The following ARHGEF4 variants were observed in gnomAD, a reference collection of about 807,000 sequenced individuals.
ARHGEF4 encodes Rho guanine nucleotide exchange factor 4.
A neutral mutation model predicts 162.0 loss-of-function variants in ARHGEF4; 119 were observed. That is an observed-to-expected ratio of 0.73 (90% CI 0.63 to 0.86). The LOEUF is 0.86. Ranked by LOEUF, ARHGEF4 falls within the 40% of genes least tolerant of loss-of-function variation. ARHGEF4 has a pLI of 0.00. For missense variants in ARHGEF4, 2,488 were observed against 2,456.0 expected, an observed-to-expected ratio of 1.01 and a Z score of -0.28; for synonymous variants, 1,014 against 979.9, an observed-to-expected ratio of 1.03 and a Z score of -0.65.
At chr2:131,006,964 C>A (rs1010417162) in intron 4 of ARHGEF4, among the ~76,000 whole-genome samples, 2 of 152,182 alleles carry the variant, frequency 1.3e-5, no homozygotes, top group African/African-American at 4.8e-5. Flanking sequence ...ATTGGTCACC[C>A]TGTGGCTTAA....
chr2:130,849,592 G>A (rs1255334284), intron 1 of ARHGEF4, among the ~76,000 whole-genome samples: 1 of 149,808 alleles, frequency 6.7e-6, no homozygotes, highest in Non-Finnish European at 1.5e-5. Flanking sequence ...TTTCTGAGAC[G>A]GAGTCTTGCT....
At chr2:130,890,630 T>G (rs1679809496) in intron 1 of ARHGEF4, among the ~76,000 whole-genome samples, 1 of 152,164 alleles carries the variant, frequency 6.6e-6, no homozygotes, top group African/African-American at 2.4e-5. Flanking sequence ...TTAACCTATC[T>G]TATAATTCAC....
intron 4 of ARHGEF4, among the ~76,000 whole-genome samples, chr2:130,962,011 C>T (rs547930951): frequency 5.9e-4 from 90 of 152,162 alleles, no homozygotes; most frequent in African/African-American, 2.1e-3. Flanking sequence ...GAGGCCGAGG[C>T]GGGCGGATCA....
chr2:130,848,960 G>A (rs1213831703), intron 1 of ARHGEF4, among the ~76,000 whole-genome samples: 1 of 152,102 alleles, frequency 6.6e-6, no homozygotes, highest in African/African-American at 2.4e-5. Context: ...TGGGCACCTC[G>A]GATCCTCCAT....
At chr2:130,888,376 C>T (rs905497778) in intron 1 of ARHGEF4, among the ~76,000 whole-genome samples, 1 of 151,794 alleles carries the variant, frequency 6.6e-6, no homozygotes, top group Admixed American at 6.6e-5. Context: ...GAGTCTGAGG[C>T]AGGAGAATCA....
At chr2:130,856,696 T>A (rs960025747) in intron 1 of ARHGEF4, among the ~76,000 whole-genome samples, 45 of 152,354 alleles carry the variant, frequency 3.0e-4, no homozygotes, top group African/African-American at 8.7e-4. Flanking sequence ...GAGATATACC[T>A]AATGTTAAAT....
At chr2:131,003,253 A>T (rs2105315912) in intron 4 of ARHGEF4, among the ~76,000 whole-genome samples, 1 of 152,230 alleles carries the variant, frequency 6.6e-6, no homozygotes, top group South Asian at 2.1e-4. Flanking sequence ...GCCGTAAGAC[A>T]CACCCCCTCT....
intron 4 of ARHGEF4, among the ~76,000 whole-genome samples, chr2:130,997,513 G>A (rs146130068): frequency 1.6e-3 from 236 of 152,216 alleles, no homozygotes; most frequent in African/African-American, 2.9e-3. Flanking sequence ...CAGGCATCAC[G>A]TGCATTCTTC....
intron 4 of ARHGEF4, among the ~76,000 whole-genome samples, chr2:130,987,519 C>T (rs905591043): frequency 3.9e-5 from 6 of 152,184 alleles, no homozygotes; most frequent in East Asian, 1.9e-4. Context: ...TTATTGTCCC[C>T]GCCCATGTTC....
At chr2:130,980,802 C>T (rs765354072) in intron 4 of ARHGEF4, among the ~76,000 whole-genome samples, 18 of 152,186 alleles carry the variant, frequency 1.2e-4, no homozygotes, top group Non-Finnish European at 2.5e-4. Flanking sequence ...ACTAATTAAT[C>T]CAAGTGAATG....
At chr2:130,956,064 C>T (rs181728790) in intron 4 of ARHGEF4, among the ~76,000 whole-genome samples, 1 of 152,352 alleles carries the variant, frequency 6.6e-6, no homozygotes, top group Admixed American at 6.5e-5. Context: ...GCCTAATGTC[C>T]TCTCAGCTTG....
chr2:130,856,856 A>G (rs1681826686), intron 1 of ARHGEF4, among the ~76,000 whole-genome samples: 1 of 152,236 alleles, frequency 6.6e-6, no homozygotes. Context: ...GGTGATTGGG[A>G]ACAAAGCTGC....
At chr2:130,837,458 C>T (rs1680274768) in intron 1 of ARHGEF4, 2 of 333,074 alleles carry the variant, frequency 6.0e-6, no homozygotes, top group Middle Eastern at 1.1e-3. Flanking sequence ...TGTTGTTATT[C>T]CCCAGGCTGA....
intron 8 of ARHGEF4, 85 bp downstream of exon 8, chr2:131,040,525 T>A (rs1056521734): frequency 7.0e-7 from 1 of 1,421,090 alleles, no homozygotes; most frequent in African/African-American, 1.4e-5. Context: ...GGGTGGCTGG[T>A]CCCAAAACCT....
intron 4 of ARHGEF4, among the ~76,000 whole-genome samples, chr2:131,003,890 C>T (rs913920202): frequency 2.0e-5 from 3 of 152,118 alleles, no homozygotes; most frequent in African/African-American, 4.8e-5. Context: ...TGGGTAATAA[C>T]GACCTGGAAA....
In ARHGEF4 at chr2:130,916,324, C is replaced by A; in HGVS notation, c.2378C>A (p.Thr793Lys). ...GCGCAGGAGCCTGGGAAGCGCCCGA[C>A]GTTTTCCAAGGTGACCTCCTTCAGG... ...KGAQEPGKRP[T>K]FSKVTSFRKG... The change falls in exon 2 of 14, where the codon ACG (threonine) becomes AAG (lysine). Residue 793 changes from threonine to lysine, a missense_variant. Coordinates refer to ENST00000409359, the MANE Select transcript of ARHGEF4 (RefSeq NM_001367493.1). 1 of 1,542,854 alleles carries A rather than the reference C, an allele frequency of 6.5e-7. No individual in the cohort carries two copies. Among genetic ancestry groups the A allele is most frequent in the Non-Finnish European group, 8.7e-7 (1 of 1,145,094 alleles).
intron 12 of ARHGEF4, 143 bp downstream of exon 12, chr2:131,044,685 A>G: frequency 8.8e-7 from 1 of 1,142,260 alleles, no homozygotes; most frequent in African/African-American, 1.9e-5. Flanking sequence ...TCTAGGTCCC[A>G]GTCATGAGCA....
At chr2:130,975,030 A>G (rs550550794) in intron 4 of ARHGEF4, among the ~76,000 whole-genome samples, 2 of 152,144 alleles carry the variant, frequency 1.3e-5, no homozygotes, top group Non-Finnish European at 2.9e-5. Flanking sequence ...CTCAGGTGTA[A>G]AGCTCTTTTT....
rs368765353 is a variant in ARHGEF4 at position 130,847,516 on chromosome 2, T to C, written c.39+10524T>C. Among the ~76,000 whole-genome samples the C allele has an allele frequency of 2.4e-4, 37 of 152,316 alleles. 1 individual carries two copies. In the South Asian group the frequency reaches 6.8e-3, roughly 28 times the overall value. On this transcript the variant is annotated intron_variant, in intron 1 of 13. Transcript: ENST00000409359. Reference sequence around the variant, plus strand: ...TGTAAAACGAGGATAATGGTTCCTCTCTGTAAGGTGGCTGTGACAGTCACA... The same window carrying C: ...TGTAAAACGAGGATAATGGTTCCTCCCTGTAAGGTGGCTGTGACAGTCACA...
Sources: gnomAD v4.1 joint callset for allele counts (sites outside exome capture counted in the v4.1 genomes callset) on GRCh38, gnomAD v4.1.1 for gene constraint, MANE v1.5 for transcripts, NCBI Gene and HGNC (gene_info 2026-07-23, HGNC 2026-07-21) for gene names.